The following LDB2 variants were observed in gnomAD, a reference collection of about 807,000 sequenced individuals.
The protein encoded by LDB2 is LIM domain binding 2, also known as LIM domain-binding protein 2.
A neutral mutation model predicts 44.3 loss-of-function variants in LDB2; 12 were observed. The observed-to-expected ratio is 0.27, with a 90% CI of 0.17 to 0.44. The LOEUF (loss-of-function observed/expected upper bound fraction) is 0.44, where lower values mean the gene tolerates loss of function less well. Ranked by LOEUF, LDB2 falls within the 20% of genes least tolerant of loss-of-function variation. The pLI, the probability that LDB2 is intolerant of heterozygous loss-of-function variation, is 1.00. For synonymous variants in LDB2, 164 were observed against 174.8 expected (o/e 0.94, Z 0.49); for missense variants, 344 against 473.5 (o/e 0.73, Z 2.54).
chr4:16,776,982 T>A (rs528923748), intron 1 of LDB2, among the ~76,000 whole-genome samples: 27 of 152,320 alleles, frequency 1.8e-4, no homozygotes, highest in African/African-American at 6.3e-4. Context: ...AACACCCCCT[T>A]CAGTTGTGAC....
intron 1 of LDB2, among the ~76,000 whole-genome samples, chr4:16,787,475 G>T (rs925594535): frequency 1.3e-5 from 2 of 152,182 alleles, no homozygotes; most frequent in East Asian, 3.9e-4. Context: ...TTCGCCAGGC[G>T]TGGTGGCATG....
chr4:16,735,406 T>C (rs150548011), intron 2 of LDB2, among the ~76,000 whole-genome samples: 1 of 152,204 alleles, frequency 6.6e-6, no homozygotes, highest in East Asian at 1.9e-4. Flanking sequence ...TAAGAAAGAA[T>C]AAATCTTTCT....
chr4:16,755,474 T>G (rs993250184), intron 2 of LDB2, among the ~76,000 whole-genome samples: 1 of 14,332 alleles, frequency 7.0e-5, no homozygotes, highest in African/African-American at 1.9e-4. Flanking sequence ...AGGAATAGGG[T>G]GTGTGTGTGT....
At chr4:16,511,902 C>T (rs199776949) in intron 6 of LDB2, 79 bp downstream of exon 6, 164 of 1,470,332 alleles carry the variant, frequency 1.1e-4, no homozygotes, top group Non-Finnish European at 1.4e-4. Flanking sequence ...TGATCACTTT[C>T]TTCTTTTTCA....
intron 1 of LDB2, among the ~76,000 whole-genome samples, chr4:16,792,997 G>A (rs567603033): frequency 5.3e-5 from 8 of 152,252 alleles, no homozygotes; most frequent in African/African-American, 1.9e-4. Context: ...AAGGAGCAGG[G>A]CCCCAAAGAA....
intron 3 of LDB2, among the ~76,000 whole-genome samples, chr4:16,591,393 T>C (rs981665199): frequency 2.0e-5 from 3 of 152,140 alleles, no homozygotes; most frequent in South Asian, 2.1e-4. Context: ...GGCCTACAAA[T>C]GGAAAATTGC....
intron 5 of LDB2, among the ~76,000 whole-genome samples, chr4:16,555,657 G>C (rs985340783): frequency 6.6e-6 from 1 of 152,110 alleles, no homozygotes; most frequent in Non-Finnish European, 1.5e-5. Context: ...TCCTTAAATT[G>C]TTCCTTTCCT....
intron 1 of LDB2, among the ~76,000 whole-genome samples, chr4:16,823,021 A>G (rs1782395878): frequency 6.6e-6 from 1 of 152,176 alleles, no homozygotes; most frequent in Admixed American, 6.5e-5. Flanking sequence ...AGTGAAGAGA[A>G]TAACTACATA....
intron 2 of LDB2, among the ~76,000 whole-genome samples, chr4:16,742,919 T>C (rs1763617300): frequency 6.6e-6 from 1 of 152,184 alleles, no homozygotes; most frequent in Admixed American, 6.5e-5. Flanking sequence ...TCATTGCCTC[T>C]GCCATGCCTC....
chr4:16,838,069 AG>A (rs1561397410), intron 1 of LDB2, among the ~76,000 whole-genome samples: 1 of 152,234 alleles, frequency 6.6e-6, no homozygotes, highest in Non-Finnish European at 1.5e-5. Flanking sequence ...CAGTCGTGAA[AG>A]CTTGACTTGA....
At position 16,897,930 on chromosome 4, in the gene LDB2, A is replaced by G. The variant is rs1342833777; in HGVS notation, c.132+424T>C. 1.5e-3 allele frequency among the ~76,000 whole-genome samples: 26 copies of G among 17,668 alleles called. 1 individual carries two copies. The highest frequency in any genetic ancestry group is 4.2e-3 in the East Asian group (1 of 236). The allele number at this position is 17,668 out of a possible 152,430, so 11.6% of individuals were successfully genotyped here. ...TATATATATATATATATATATATAT[A>G]TATATATACACATATGTATATATAT... On this transcript the variant is annotated intron_variant, in intron 1 of 7. Coordinates refer to ENST00000304523, the MANE Select transcript of LDB2 (RefSeq NM_001290.5).
intron 1 of LDB2, among the ~76,000 whole-genome samples, chr4:16,817,427 T>G (rs146512301): frequency 2.6e-5 from 4 of 152,342 alleles, no homozygotes; most frequent in Middle Eastern, 3.4e-3. Context: ...CTTTGCCCTT[T>G]GTTTACAATT....
intron 1 of LDB2, among the ~76,000 whole-genome samples, chr4:16,846,547 T>C (rs1368417623): frequency 6.6e-6 from 1 of 152,200 alleles, no homozygotes; most frequent in Non-Finnish European, 1.5e-5. Flanking sequence ...GATGTTTTGT[T>C]ACCTTCTGTA....
intron 5 of LDB2, among the ~76,000 whole-genome samples, chr4:16,547,397 G>A (rs569486260): frequency 3.1e-4 from 47 of 152,278 alleles, no homozygotes; most frequent in African/African-American, 1.1e-3. Context: ...GTGGTAATTT[G>A]TTACAGTGGC....
At chr4:16,816,195 ACT>A (rs1458518890) in intron 1 of LDB2, among the ~76,000 whole-genome samples, 3 of 151,928 alleles carry the variant, frequency 2.0e-5, no homozygotes, top group Non-Finnish European at 4.4e-5. Flanking sequence ...ACAGAGCAAG[ACT>A]CTGTCTCCAA....
At chr4:16,588,134 C>T (rs62296929) in intron 4 of LDB2, among the ~76,000 whole-genome samples, 1,587 of 152,224 alleles carry the variant, frequency 0.01, 14 homozygotes, top group Non-Finnish European at 0.017. Flanking sequence ...ATCTCTAGAT[C>T]GGCATAGAAC....
intron 2 of LDB2, among the ~76,000 whole-genome samples, chr4:16,652,375 T>A (rs556442734): frequency 1.5e-4 from 23 of 152,338 alleles, no homozygotes; most frequent in African/African-American, 5.0e-4. Flanking sequence ...GAAAAGCTAC[T>A]TAAACAGATT....
At chr4:16,547,825 C>T (rs4698493) in intron 5 of LDB2, among the ~76,000 whole-genome samples, 5,106 of 152,252 alleles carry the variant, frequency 0.034, 262 homozygotes, top group East Asian at 0.25. Context: ...ATCTGTAATA[C>T]AGGCCAATAA....
chr4:16,802,614 G>C (rs566086071), intron 1 of LDB2, among the ~76,000 whole-genome samples: 1 of 152,246 alleles, frequency 6.6e-6, no homozygotes, highest in East Asian at 1.9e-4. Flanking sequence ...TGCTTGATGT[G>C]GATTCTCTTA....
Sources: gnomAD v4.1 joint callset for allele counts (sites outside exome capture counted in the v4.1 genomes callset) on GRCh38, gnomAD v4.1.1 for gene constraint, MANE v1.5 for transcripts, NCBI Gene and HGNC (gene_info 2026-07-23, HGNC 2026-07-21) for gene names.